DSCAML1: variants seen among roughly 807,000 people sequenced by gnomAD.
DSCAML1 encodes cell adhesion molecule DSCAML1.
A neutral mutation model predicts 200.5 loss-of-function variants in DSCAML1; 38 were observed. The ratio of observed to expected loss-of-function variants is 0.19; its 90% confidence interval spans 0.15 to 0.25. The LOEUF (loss-of-function observed/expected upper bound fraction) is 0.25. Among genes scored for constraint, DSCAML1 ranks in the 10% least tolerant of loss-of-function variants. The pLI is 1.00. For missense variants in DSCAML1, 2,223 were observed against 2,858.8 expected (o/e 0.78, Z 5.07); for synonymous variants, 1,215 against 1,165.0 (o/e 1.04, Z -0.87).
intron 3 of DSCAML1, 89 bp from the exon 4 acceptor site, chr11:117,532,611 C>T: frequency 7.8e-7 from 1 of 1,285,304 alleles, no homozygotes; most frequent in Non-Finnish European, 1.1e-6. Context: ...TGAGGATTTT[C>T]ACACACAAAC....
At chr11:117,703,473 C>T (rs1437206190) in intron 3 of DSCAML1, among the ~76,000 whole-genome samples, 3 of 152,296 alleles carry the variant, frequency 2.0e-5, no homozygotes, top group Admixed American at 2.0e-4. Flanking sequence ...CAAATATTGA[C>T]ACTGAAACCA....
intron 8 of DSCAML1, among the ~76,000 whole-genome samples, chr11:117,506,547 CTTTTTTT>C (rs5795089): frequency 1.0e-3 from 97 of 96,860 alleles, no homozygotes; most frequent in African/African-American, 3.3e-3. Context: ...CAAGAGATAA[CTTTTTTT>C]TTTTTTTTTT....
intron 3 of DSCAML1, among the ~76,000 whole-genome samples, chr11:117,730,713 A>C (rs1405534206): frequency 6.6e-6 from 1 of 152,244 alleles, no homozygotes; most frequent in East Asian, 1.9e-4. Context: ...GTATCTACCA[A>C]GAGAAATTAA....
At chr11:117,806,324 T>A (rs12281156) in intron 1 of DSCAML1, among the ~76,000 whole-genome samples, 34,278 of 152,050 alleles carry the variant, frequency 0.23, 4,128 homozygotes, top group African/African-American at 0.31. Context: ...CTGCAGGGGC[T>A]CAGGAAAGCC....
chr11:117,705,795 G>A (rs545646301), intron 3 of DSCAML1, among the ~76,000 whole-genome samples: 1 of 152,320 alleles, frequency 6.6e-6, no homozygotes, highest in East Asian at 1.9e-4. Context: ...GTTCCATAGT[G>A]GGGAAGGCCA....
At chr11:117,523,889 GCATTTCCTCAAGGGTGTC>G (rs2049926140) in intron 5 of DSCAML1, among the ~76,000 whole-genome samples, 1 of 152,214 alleles carries the variant, frequency 6.6e-6, no homozygotes, top group Non-Finnish European at 1.5e-5. Context: ...ATGAGGCATG[GCATTTCCTCAAGGGTGTC>G]CAGATCCCAG....
Position 117,431,455 on chromosome 11 carries a change from T to C in DSCAML1, c.5374+79A>G, listed in dbSNP as rs937204620. 4.4e-6 allele frequency: 6 copies of C among 1,349,796 alleles called. No homozygotes were observed. In the South Asian group the frequency reaches 7.7e-5, roughly 17 times the overall value. The allele number at this position is 1,349,796 out of a possible 1,614,324, so 83.6% of individuals were successfully genotyped here. A position where few individuals can be genotyped will look rare whatever the true frequency, so the allele number is the denominator to read the frequency against. ...GCCCCATGAGCTGGTGGGTAGAAGCTGGGAAGAATAGAAGGTGAAGGTGAA... is the reference window on the plus strand; with the variant it reads ...GCCCCATGAGCTGGTGGGTAGAAGCCGGGAAGAATAGAAGGTGAAGGTGAA... On this transcript the variant is annotated intron_variant, in intron 31 of 32. Coordinates refer to ENST00000651296, the MANE Select transcript of DSCAML1 (RefSeq NM_020693.4).
chr11:117,450,480 C>T lies in DSCAML1; in HGVS notation c.3708+69G>A, dbSNP rs1251206737. Reference sequence around the variant, plus strand: ...GCAGCCTCAGGGTTTGGCCTGGAAGCCGGCTGATGTACAAGGTCCCTTTTC... The same window carrying T: ...GCAGCCTCAGGGTTTGGCCTGGAAGTCGGCTGATGTACAAGGTCCCTTTTC... On this transcript the variant is annotated intron_variant, in intron 20 of 32. Coordinates refer to ENST00000651296, the MANE Select transcript of DSCAML1 (RefSeq NM_020693.4). 1.5e-5 allele frequency: 23 copies of T among 1,557,572 alleles called. No individual in the cohort carries two copies. The South Asian group carries it at 2.5e-4, about 17-fold the overall frequency.
chr11:117,561,901 A>C (rs549621149), intron 3 of DSCAML1, among the ~76,000 whole-genome samples: 2 of 152,332 alleles, frequency 1.3e-5, no homozygotes, highest in Non-Finnish European at 2.9e-5. Flanking sequence ...CACCTTCCAC[A>C]ATGCCTGGCA....
chr11:117,461,415 C>A, intron 18 of DSCAML1, 35 bp downstream of exon 18: 4 of 1,613,762 alleles, frequency 2.5e-6, no homozygotes, highest in Non-Finnish European at 3.4e-6. Flanking sequence ...TGCGCCTCTC[C>A]CCTGAGTCCC....
chr11:117,772,770 G>A (rs996511175), intron 3 of DSCAML1, among the ~76,000 whole-genome samples: 2 of 152,198 alleles, frequency 1.3e-5, no homozygotes, highest in African/African-American at 4.8e-5. Flanking sequence ...TTTAATTTAT[G>A]TTTGTGCACA....
chr11:117,471,175 AT>A (rs199988005), intron 15 of DSCAML1, among the ~76,000 whole-genome samples: 2,653 of 141,376 alleles, frequency 0.019, 38 homozygotes, highest in African/African-American at 0.04. Context: ...ATTTTTCTGC[AT>A]TTTTTTTTTT....
chr11:117,571,177 CT>C (rs1244409313), intron 3 of DSCAML1, among the ~76,000 whole-genome samples: 1 of 152,196 alleles, frequency 6.6e-6, no homozygotes, highest in African/African-American at 2.4e-5. Flanking sequence ...CCCTCTGCCT[CT>C]AGAACAAATG....
intron 3 of DSCAML1, among the ~76,000 whole-genome samples, chr11:117,739,578 C>G (rs1322160583): frequency 6.6e-6 from 1 of 152,250 alleles, no homozygotes; most frequent in Non-Finnish European, 1.5e-5. Flanking sequence ...GTGAGCCACG[C>G]AGTGCCCTCA....
chr11:117,542,922 G>A (rs578197740), intron 3 of DSCAML1, among the ~76,000 whole-genome samples: 1 of 152,334 alleles, frequency 6.6e-6, no homozygotes, highest in South Asian at 2.1e-4. Flanking sequence ...GAAAGTGTGT[G>A]CTGCATGCTG....
At chr11:117,568,122 C>A (rs1433760827) in intron 3 of DSCAML1, among the ~76,000 whole-genome samples, 1 of 152,178 alleles carries the variant, frequency 6.6e-6, no homozygotes, top group African/African-American at 2.4e-5. Context: ...AAGACAAAAA[C>A]CAAATGATTA....
intron 3 of DSCAML1, among the ~76,000 whole-genome samples, chr11:117,699,958 C>T (rs1035151537): frequency 2.6e-5 from 4 of 152,110 alleles, no homozygotes; most frequent in Admixed American, 2.6e-4. Flanking sequence ...GACAGAGGGT[C>T]GAGAGTTAGT....
chr11:117,721,377 G>A (rs1411875004), intron 3 of DSCAML1, among the ~76,000 whole-genome samples: 2 of 152,116 alleles, frequency 1.3e-5, no homozygotes, highest in African/African-American at 4.8e-5. Context: ...TCACTCTCCA[G>A]GTGCCAAGGG....
chr11:117,626,208 C>CG (rs1392051131), intron 3 of DSCAML1, among the ~76,000 whole-genome samples: 3 of 133,962 alleles, frequency 2.2e-5, no homozygotes, highest in African/African-American at 8.5e-5. Flanking sequence ...GACCCCCCCC[C>CG]CTCCTTCTTC....
Sources: allele counts gnomAD v4.1 joint callset (sites outside exome capture counted in the v4.1 genomes callset), GRCh38; gene constraint gnomAD v4.1.1; transcripts MANE v1.5; gene names NCBI Gene and HGNC (gene_info 2026-07-23, HGNC 2026-07-21).